The following DLG2 variants were observed in gnomAD, a reference collection of about 807,000 sequenced individuals.
DLG2 encodes the protein disks large homolog 2.
DLG2 carries 45 observed loss-of-function variants against 132.5 expected under a neutral mutation model. That is an observed-to-expected ratio of 0.34 (90% CI 0.27 to 0.44). The LOEUF (loss-of-function observed/expected upper bound fraction) is 0.44, where lower values mean the gene tolerates loss of function less well. Ranked by LOEUF, DLG2 falls within the 20% of genes least tolerant of loss-of-function variation. The pLI, the probability that DLG2 is intolerant of heterozygous loss-of-function variation, is 1.00. For synonymous variants in DLG2, 424 were observed against 419.6 expected, an observed-to-expected ratio of 1.01 and a Z score of -0.13; for missense variants, 1,045 against 1,196.9, an observed-to-expected ratio of 0.87 and a Z score of 1.87.
intron 3 of DLG2, among the ~76,000 whole-genome samples, chr11:85,506,834 A>G (rs1035921911): frequency 6.6e-6 from 1 of 152,142 alleles, no homozygotes; most frequent in Non-Finnish European, 1.5e-5. Context: ...GCCTCCAACT[A>G]TTACTGTGTG....
At chr11:84,866,829 C>G (rs1211856738) in intron 6 of DLG2, among the ~76,000 whole-genome samples, 2 of 152,110 alleles carry the variant, frequency 1.3e-5, no homozygotes, top group African/African-American at 4.8e-5. Flanking sequence ...TGTGAAATGT[C>G]TAAAGTGATA....
intron 6 of DLG2, among the ~76,000 whole-genome samples, chr11:85,057,285 A>C (rs1368277260): frequency 6.6e-6 from 1 of 151,728 alleles, no homozygotes; most frequent in Non-Finnish European, 1.5e-5. Context: ...AAGGCTTTAA[A>C]ATGATAACCA....
chr11:84,155,309 G>T (rs1174584492), intron 9 of DLG2, among the ~76,000 whole-genome samples: 1 of 152,024 alleles, frequency 6.6e-6, no homozygotes, highest in Non-Finnish European at 1.5e-5. Flanking sequence ...CTCTGTGCAG[G>T]GTTCCCAGTT....
intron 6 of DLG2, among the ~76,000 whole-genome samples, chr11:85,047,472 G>A (rs1034226360): frequency 6.6e-6 from 1 of 152,024 alleles, no homozygotes; most frequent in South Asian, 2.1e-4. Context: ...TTCAGGTTGA[G>A]GCATTCTAAT....
At chr11:84,523,291 T>C (rs1195480898) in intron 7 of DLG2, among the ~76,000 whole-genome samples, 1 of 152,204 alleles carries the variant, frequency 6.6e-6, no homozygotes, top group Non-Finnish European at 1.5e-5. Context: ...GCATGGAATG[T>C]GAATTCCATA....
intron 3 of DLG2, among the ~76,000 whole-genome samples, chr11:85,481,701 C>T (rs934082945): frequency 2.0e-5 from 3 of 152,110 alleles, no homozygotes; most frequent in Non-Finnish European, 4.4e-5. Flanking sequence ...CTGTAGACTG[C>T]CCCCAGCATC....
chr11:85,135,466 T>C (rs1039352217), intron 5 of DLG2, among the ~76,000 whole-genome samples: 39 of 152,306 alleles, frequency 2.6e-4, no homozygotes, highest in African/African-American at 9.1e-4. Context: ...CTTCGGAACT[T>C]CATTCCATCT....
chr11:85,131,161 A>G (rs768662083), intron 5 of DLG2, among the ~76,000 whole-genome samples: 22 of 152,166 alleles, frequency 1.4e-4, no homozygotes, highest in Non-Finnish European at 3.1e-4. Context: ...TAATATTTTT[A>G]TAAGTAAATA....
intron 7 of DLG2, among the ~76,000 whole-genome samples, chr11:84,485,394 G>A (rs1450007754): frequency 3.7e-4 from 56 of 152,050 alleles, no homozygotes; most frequent in Admixed American, 3.6e-3. Context: ...TAACTCTAAA[G>A]GATGATAATT....
At chr11:85,338,766 G>A (rs761191698) in intron 3 of DLG2, among the ~76,000 whole-genome samples, 1 of 141,168 alleles carries the variant, frequency 7.1e-6, no homozygotes, top group African/African-American at 2.7e-5. Flanking sequence ...GTGCAGTGAC[G>A]CGATCTCGGC....
At chr11:85,472,044 C>A (rs2093000953) in intron 3 of DLG2, among the ~76,000 whole-genome samples, 2 of 152,118 alleles carry the variant, frequency 1.3e-5, no homozygotes, top group Admixed American at 6.5e-5. Flanking sequence ...CCTGGTGAAA[C>A]CCGACCTTCA....
intron 21 of DLG2, among the ~76,000 whole-genome samples, chr11:83,491,984 A>G (rs1156991805): frequency 3.3e-5 from 5 of 152,052 alleles, no homozygotes; most frequent in Non-Finnish European, 7.4e-5. Flanking sequence ...TTCTGTAAAT[A>G]AGGTTTTATT....
chr11:83,759,554 T>C (rs2093808564), intron 18 of DLG2, among the ~76,000 whole-genome samples: 1 of 152,150 alleles, frequency 6.6e-6, no homozygotes, highest in South Asian at 2.1e-4. Flanking sequence ...GACTTTAATT[T>C]AGAGTAGTTC....
intron 21 of DLG2, 128 bp from the exon 22 acceptor site, chr11:83,484,356 G>A: frequency 1.5e-6 from 1 of 664,332 alleles, no homozygotes; most frequent in Non-Finnish European, 2.6e-6. Context: ...ATTCTAAAGT[G>A]GTGCCAGAGA....
chr11:85,275,468 A>G (rs1163512987), intron 4 of DLG2, among the ~76,000 whole-genome samples: 1 of 152,170 alleles, frequency 6.6e-6, no homozygotes, highest in Non-Finnish European at 1.5e-5. Flanking sequence ...TAAAATAATA[A>G]TGAAATTCTA....
intron 16 of DLG2, among the ~76,000 whole-genome samples, chr11:83,848,152 A>C: frequency 1.4e-5 from 2 of 138,194 alleles, no homozygotes; most frequent in African/African-American, 2.8e-5. Context: ...TAATCACGGC[A>C]TCTTGTAAGG....
At chr11:84,359,461 C>A (rs1426668507) in intron 7 of DLG2, among the ~76,000 whole-genome samples, 1 of 151,768 alleles carries the variant, frequency 6.6e-6, no homozygotes, top group Non-Finnish European at 1.5e-5. Flanking sequence ...AATACATTTC[C>A]CGAAATATTT....
intron 18 of DLG2, among the ~76,000 whole-genome samples, chr11:83,769,148 C>T (rs546261721): frequency 6.6e-6 from 1 of 152,290 alleles, no homozygotes; most frequent in Admixed American, 6.5e-5. Flanking sequence ...GAACCCAGTT[C>T]ATTCCTTCAT....
chr11:85,501,580 G>C lies in DLG2; in HGVS notation c.40+97077C>G, dbSNP rs966002585. ...ACTTAAACAAATTTATAAGAAAAAA[G>C]CAAACAACCCATCAAAAAATGGGCA... On this transcript the variant is annotated intron_variant, in intron 3 of 27. Transcript: ENST00000376104. Among the ~76,000 whole-genome samples, 24 of 151,836 alleles carry C rather than the reference G, an allele frequency of 1.6e-4. 1 individual carries two copies. The highest frequency in any genetic ancestry group is 5.8e-4 in the African/African-American group (24 of 41,350).
Sources: gnomAD v4.1 joint callset for allele counts (sites outside exome capture counted in the v4.1 genomes callset) on GRCh38, gnomAD v4.1.1 for gene constraint, MANE v1.5 for transcripts, NCBI Gene and HGNC (gene_info 2026-07-23, HGNC 2026-07-21) for gene names.